Variants in LRRC32 observed in about 807,000 individuals in gnomAD.
LRRC32 encodes leucine rich repeat containing 32, also known as transforming growth factor beta activator LRRC32.
A neutral mutation model predicts 15.0 loss-of-function variants in LRRC32; 5 were observed. The ratio of observed to expected loss-of-function variants is 0.33; its 90% CI spans 0.17 to 0.70. LRRC32 has a LOEUF of 0.70. Among genes scored for constraint, LRRC32 ranks in the 30% least tolerant of loss-of-function variants. The pLI is 0.66. For missense variants in LRRC32, 803 were observed against 854.2 expected (o/e 0.94, Z 0.75); for synonymous variants, 391 against 403.9 (o/e 0.97, Z 0.38).
intron 1 of LRRC32, among the ~76,000 whole-genome samples, chr11:76,668,331 C>G (rs779933863): frequency 1.3e-5 from 2 of 152,102 alleles, no homozygotes; most frequent in Non-Finnish European, 2.9e-5. Flanking sequence ...CAATCCTGGC[C>G]TTGACCACAG....
chr11:76,670,529 C>T (rs1250638067), intron 1 of LRRC32, 85 bp downstream of exon 1: 1 of 152,114 alleles, frequency 6.6e-6, no homozygotes, highest in African/African-American at 2.4e-5. Flanking sequence ...TCCCTTGGGA[C>T]CAGCCCCCGC....
chr11:76,659,802 G>T lies in LRRC32; in HGVS notation c.1791C>A (p.Asp597Glu). ...QGRVDVDATQ[D>E]LICRFSSQEE... is the part of the protein sequence containing the mutation. ...CCTGGGAGCTGAAGCGGCAGATCAG[G>T]TCCTGGGTGGCGTCCACGTCCACAC... Residue 597 changes from aspartate to glutamate, a missense_variant, in exon 3 of 3, where the codon GAC (aspartate) becomes GAA (glutamate). Asp to Glu is a conservative substitution (Grantham distance 45). Coordinates refer to ENST00000260061, the MANE Select transcript of LRRC32 (RefSeq NM_001128922.2). 6.2e-7 allele frequency: 1 copy of T among 1,614,222 alleles called. No individual in the cohort carries two copies.
rs749553683 is a variant in LRRC32, at chr11:76,660,389, G to A, written c.1204C>T (p.Pro402Ser). The change falls in exon 3 of 3, where the codon CCC becomes TCC. Residue 402 changes from proline (P) to serine (S), a missense_variant. Physicochemically the swap from Pro to Ser is moderately conservative, Grantham distance 74. Transcript: ENST00000260061. Reference protein sequence around the residue: ...LLQGNALRDLPPYTFANLASL... With the variant: ...LLQGNALRDLSPYTFANLASL... ...GCCAGATTGGCAAAGGTGTATGGGG[G>A]CAGGTCCCGCAGGGCATTGCCCTGT... 3.1e-6 allele frequency: 5 copies of A among 1,613,512 alleles called. No homozygotes were observed.
rs770680359 is a variant in LRRC32, at chr11:76,660,138, G to A, written c.1455C>T (p.Ala485=). ...CCAAGGAGGCCTCCAGGCCTCCCAA[G>A]GCCCCCGTGGCCACCTCCAGCCCAG... ...SNPGLEVATG[A]LGGLEASLEV... Residue 485 remains alanine, a synonymous_variant, in exon 3 of 3, where the codon GCC becomes GCT. Coordinates refer to ENST00000260061, the MANE Select transcript of LRRC32 (RefSeq NM_001128922.2). 1 of 1,606,232 alleles carries A rather than the reference G, an allele frequency of 6.2e-7. No homozygotes were observed. The highest frequency in any genetic ancestry group is 8.5e-7 in the Non-Finnish European group (1 of 1,176,686).
intron 1 of LRRC32, 25 bp downstream of exon 1, chr11:76,670,589 G>C (rs531583822): frequency 6.6e-6 from 1 of 152,146 alleles, no homozygotes; most frequent in Non-Finnish European, 1.5e-5. Flanking sequence ...GGGCCGGCCA[G>C]CCTCGCCTGC....
rs917319497 is a variant in LRRC32 at position 76,670,673 on chromosome 11, C to T, written c.-64G>A. ...AGTCTCGGCACATTTTGCGCAAACCCGCCCCCGGGTCCCACCCCGCGCCAG... is the reference window on the plus strand; with the variant it reads ...AGTCTCGGCACATTTTGCGCAAACCTGCCCCCGGGTCCCACCCCGCGCCAG... On this transcript the variant is annotated 5_prime_UTR_variant, in exon 1 of 3. Transcript: ENST00000260061. The T allele has an allele frequency of 7.9e-5, 12 of 152,292 alleles. No homozygotes were observed. The highest frequency in any genetic ancestry group is 1.2e-4 in the Non-Finnish European group (8 of 68,024). The allele number at this position is 152,292 out of a possible 1,614,324, so 9.4% of individuals were successfully genotyped here.
At chr11:76,668,622 T>C (rs1052928831) in intron 1 of LRRC32, among the ~76,000 whole-genome samples, 2 of 152,208 alleles carry the variant, frequency 1.3e-5, no homozygotes, top group Admixed American at 6.5e-5. Context: ...GTCATTGTTT[T>C]CCCACATTTA....
At chr11:76,666,177 AC>A (rs1330222166) in intron 1 of LRRC32, among the ~76,000 whole-genome samples, 1 of 152,220 alleles carries the variant, frequency 6.6e-6, no homozygotes, top group African/African-American at 2.4e-5. Context: ...GCCGCCCATT[AC>A]CCAGGGGAAG....
intron 1 of LRRC32, among the ~76,000 whole-genome samples, chr11:76,666,775 G>A (rs6592657): frequency 0.38 from 58,049 of 152,212 alleles, 11,632 homozygotes; most frequent in Middle Eastern, 0.48. Flanking sequence ...CCAAGTGCTA[G>A]GGATGTACAA....
intron 2 of LRRC32, 38 bp downstream of exon 2, chr11:76,665,832 TG>T (rs34966981): frequency 6.2e-7 from 1 of 1,612,218 alleles, no homozygotes; most frequent in Non-Finnish European, 8.5e-7. Flanking sequence ...GGCAGGGAGG[TG>T]GGGGTGGTCC....
Position 76,660,414 on chromosome 11 carries a change from T to C in LRRC32, c.1179A>G (p.Leu393=), listed in dbSNP as rs1226691738. 2.5e-6 allele frequency: 4 copies of C among 1,613,578 alleles called. No homozygotes were observed. Among genetic ancestry groups the C allele is most frequent in the Admixed American group, 3.3e-5 (2 of 59,942 alleles). The change falls in exon 3 of 3, where the codon CTA becomes CTG. Residue 393 remains leucine (L), a synonymous_variant. Transcript: ENST00000260061. ...RALGSLRTLL[L]QGNALRDLPP... ...GCAGGTCCCGCAGGGCATTGCCCTGTAGGAGCAGCGTCCGCAGAGACCCCA... is the reference window on the plus strand; with the variant it reads ...GCAGGTCCCGCAGGGCATTGCCCTGCAGGAGCAGCGTCCGCAGAGACCCCA...
intron 2 of LRRC32, 34 bp downstream of exon 2, chr11:76,665,837 G>T: frequency 6.2e-7 from 1 of 1,613,476 alleles, no homozygotes; most frequent in Non-Finnish European, 8.5e-7. Flanking sequence ...GGAGGTGGGG[G>T]TGGTCCTCAC....
In LRRC32 at chr11:76,660,410, C is replaced by T. The variant is rs1331764984; in HGVS notation, c.1183G>A (p.Gly395Ser). Residue 395 changes from glycine to serine, a missense_variant, in exon 3 of 3, where the codon GGC (glycine) becomes AGC (serine). By Grantham distance (56) the Gly-to-Ser change is moderately conservative. Coordinates refer to ENST00000260061, the MANE Select transcript of LRRC32 (RefSeq NM_001128922.2). ...LGSLRTLLLQ[G>S]NALRDLPPYT... is the part of the protein sequence containing the mutation. ...GGGGGCAGGTCCCGCAGGGCATTGC[C>T]CTGTAGGAGCAGCGTCCGCAGAGAC... 1 of 1,613,632 alleles carries T rather than the reference C, an allele frequency of 6.2e-7. No homozygotes were observed.
rs746454665 is a variant in LRRC32 at position 76,659,556 on chromosome 11, C to T, written c.*48G>A. On this transcript the variant is annotated 3_prime_UTR_variant, in exon 3 of 3. Coordinates refer to ENST00000260061, the MANE Select transcript of LRRC32 (RefSeq NM_001128922.2). ...TGACCTTGAGTCAGTCCTCACTCTT[C>T]TCTGTACCTCAGGCTCCCCCACTGA... 3 of 1,578,016 alleles carry T rather than the reference C, an allele frequency of 1.9e-6. No homozygotes were observed. The highest frequency in any genetic ancestry group is 2.6e-6 in the Non-Finnish European group (3 of 1,159,564).
intron 2 of LRRC32, among the ~76,000 whole-genome samples, chr11:76,665,240 T>C (rs1952605726): frequency 1.3e-5 from 2 of 152,190 alleles, no homozygotes; most frequent in African/African-American, 4.8e-5. Context: ...CTTGGACCCT[T>C]TCACCAACCA....
intron 1 of LRRC32, among the ~76,000 whole-genome samples, chr11:76,668,022 C>T (rs1952652729): frequency 6.6e-6 from 1 of 152,252 alleles, no homozygotes; most frequent in South Asian, 2.1e-4. Flanking sequence ...GCACCAAGCC[C>T]TCCGTGGCTA....
intron 1 of LRRC32, among the ~76,000 whole-genome samples, chr11:76,666,512 G>A (rs1181447516): frequency 6.6e-6 from 1 of 152,202 alleles, no homozygotes; most frequent in Non-Finnish European, 1.5e-5. Flanking sequence ...CCTTGCCATT[G>A]TTCAAGGGCT....
intron 2 of LRRC32, 45 bp from the exon 3 acceptor site, chr11:76,661,553 G>T (rs531172058): frequency 1.3e-6 from 2 of 1,517,022 alleles, no homozygotes; most frequent in East Asian, 2.4e-5. Flanking sequence ...AAGTGGGCAC[G>T]GTAGGGGATG....
chr11:76,662,398 A>G (rs1952551724), intron 2 of LRRC32, among the ~76,000 whole-genome samples: 2 of 152,158 alleles, frequency 1.3e-5, no homozygotes, highest in Admixed American at 1.3e-4. Context: ...CCATGGTCCC[A>G]TTGGTCTTTA....
Sources: allele counts gnomAD v4.1 joint callset (sites outside exome capture counted in the v4.1 genomes callset), GRCh38; gene constraint gnomAD v4.1.1; transcripts MANE v1.5; gene names NCBI Gene and HGNC (gene_info 2026-07-23, HGNC 2026-07-21).